GPR183: variants seen among roughly 807,000 people sequenced by gnomAD.
GPR183 encodes the protein G protein-coupled receptor 183, also known as EBV-induced G-protein coupled receptor 2.
In GPR183, 9 loss-of-function variants were observed where a neutral mutation model predicts 19.7. That is an observed-to-expected ratio of 0.46 (90% confidence interval 0.28 to 0.80). The LOEUF is 0.80. Ranked by LOEUF, GPR183 falls within the 30% of genes least tolerant of loss-of-function variation. The pLI is 0.13. For missense variants in GPR183, 368 were observed against 446.7 expected (o/e 0.82, Z 1.59); for synonymous variants, 160 against 155.1 (o/e 1.03, Z -0.24).
intron 1 of GPR183, among the ~76,000 whole-genome samples, chr13:99,306,122 C>G (rs2044330377): frequency 6.6e-6 from 1 of 152,126 alleles, no homozygotes; most frequent in Non-Finnish European, 1.5e-5. Flanking sequence ...TCTCGAACTC[C>G]TGATCTCAGG....
In GPR183 at chr13:99,295,182, T is replaced by C. The variant is rs200669857; in HGVS notation, c.964A>G (p.Met322Val). ...CKGYKRKVMRMLKRQVSVSIS... is the reference protein window; with the variant it reads ...CKGYKRKVMRVLKRQVSVSIS... ...GATACACTGACTTGCCGTTTCAGCA[T>C]CCTCATAACCTTTCTCTTATACCCT... Residue 322 changes from methionine to valine, a missense_variant, in exon 2 of 2, where the codon ATG (methionine) becomes GTG (valine). Met to Val is a conservative substitution (Grantham distance 21). Transcript: ENST00000376414. This position sits in a 1 kb window ranked among gnomAD's most constrained non-coding sequence, Gnocchi z 4.1. 6.2e-6 allele frequency: 10 copies of C among 1,614,186 alleles called. No individual in the cohort carries two copies. The highest frequency in any genetic ancestry group is 8.5e-6 in the Non-Finnish European group (10 of 1,180,012).
chr13:99,296,270 G>T, intron 1 of GPR183, 107 bp from the exon 2 acceptor site: 1 of 815,106 alleles, frequency 1.2e-6, no homozygotes. Context: ...AATCCAAACT[G>T]TCTTTTATAT....
intron 1 of GPR183, among the ~76,000 whole-genome samples, chr13:99,299,322 A>G (rs1267748630): frequency 2.0e-5 from 3 of 152,242 alleles, no homozygotes; most frequent in Non-Finnish European, 4.4e-5. Flanking sequence ...GAATACAGCC[A>G]TGCAGTGAAT....
Position 99,296,031 on chromosome 13 carries a change from T to A in GPR183, c.115A>T (p.Ser39Cys). 1 of 1,614,162 alleles carries A rather than the reference T, an allele frequency of 6.2e-7. No homozygotes were observed. Among genetic ancestry groups the A allele is most frequent in the Non-Finnish European group, 8.5e-7 (1 of 1,180,022 alleles). The change falls in exon 2 of 2, where the codon AGC (serine) becomes TGC (cysteine). Residue 39 changes from serine (S) to cysteine (C), a missense_variant. Physicochemically the swap from Ser to Cys is moderately radical, Grantham distance 112. Coordinates refer to ENST00000376414, the MANE Select transcript of GPR183 (RefSeq NM_004951.5). The part of the protein sequence containing the change: ...TARIVMPLHY[S>C]LVFIIGLVGN... ...ACGAGCCCAATGATGAAGACGAGGC[T>A]GTAATGCAGAGGCATTACTATCCTG...
chr13:99,297,727 C>T (rs1034931052), intron 1 of GPR183, among the ~76,000 whole-genome samples: 1 of 151,304 alleles, frequency 6.6e-6, no homozygotes, highest in African/African-American at 2.4e-5. Context: ...AAGTAGAAAA[C>T]ACAAGAGGGT....
Position 99,295,457 on chromosome 13 carries a change from T to C in GPR183, c.689A>G (p.Asn230Ser). The change falls in exon 2 of 2, where the codon AAC becomes AGC. Residue 230 changes from asparagine (N) to serine (S), a missense_variant. Transcript: ENST00000376414. This position sits in a 1 kb window ranked among gnomAD's most constrained non-coding sequence, Gnocchi z 4.1. ...TACACCAGATTTCTCAGTGAGTGGG[T>C]TTTGTTTGGCAGTTCTGAAGAGTTT... Reference protein sequence around the residue: ...CCKLFRTAKQNPLTEKSGVNK... With the variant: ...CCKLFRTAKQSPLTEKSGVNK... The C allele has an allele frequency of 6.2e-7, 1 of 1,613,958 alleles. No individual in the cohort carries two copies. Among genetic ancestry groups the C allele is most frequent in the East Asian group, 2.2e-5 (1 of 44,888 alleles).
At chr13:99,303,381 C>T (rs1309331624) in intron 1 of GPR183, among the ~76,000 whole-genome samples, 1 of 152,230 alleles carries the variant, frequency 6.6e-6, no homozygotes, top group Non-Finnish European at 1.5e-5. Context: ...TGGTTGAACA[C>T]CCACTTGCAC....
intron 1 of GPR183, among the ~76,000 whole-genome samples, chr13:99,301,479 A>G (rs180924234): frequency 4.3e-4 from 66 of 152,346 alleles, no homozygotes; most frequent in African/African-American, 1.6e-3. Flanking sequence ...AATATCTTCC[A>G]AAGTATTTTT....
rs778598512 is a variant in GPR183, at chr13:99,295,320, T to C, written c.826A>G (p.Asn276Asp). ...QHMIKKLRFS[N>D]FLECSQRHSF... is the part of the protein sequence containing the mutation. ...TGTCTTTGGCTACATTCCAGGAAAT[T>C]AGAGAAACGAAGCTTCTTAATCATA... is the stretch of plus-strand genomic sequence containing the variant. The change falls in exon 2 of 2, where the codon AAT (asparagine) becomes GAT (aspartate). Residue 276 changes from asparagine (N) to aspartate (D), a missense_variant. By Grantham distance (23) the Asn-to-Asp change is conservative. Coordinates refer to ENST00000376414, the MANE Select transcript of GPR183 (RefSeq NM_004951.5). This position sits in a 1 kb window ranked among gnomAD's most constrained non-coding sequence, Gnocchi z 4.1. The C allele has an allele frequency of 6.2e-7, 1 of 1,614,088 alleles. No homozygotes were observed. The highest frequency in any genetic ancestry group is 8.5e-7 in the Non-Finnish European group (1 of 1,179,996).
intron 1 of GPR183, among the ~76,000 whole-genome samples, chr13:99,304,084 A>G (rs928030378): frequency 1.6e-4 from 24 of 152,312 alleles, no homozygotes; most frequent in African/African-American, 5.8e-4. Flanking sequence ...GCAAACCACA[A>G]GCTCTGTGTC....
chr13:99,301,272 G>T (rs530429351), intron 1 of GPR183, among the ~76,000 whole-genome samples: 2 of 152,332 alleles, frequency 1.3e-5, no homozygotes, highest in Admixed American at 6.5e-5. Flanking sequence ...TCCACCTGTG[G>T]AACAGGGCCC....
Position 99,303,547 on chromosome 13 carries a change from A to T in GPR183, c.-19+3793T>A, listed in dbSNP as rs117450104. Among the ~76,000 whole-genome samples, 137 of 152,336 alleles carry T rather than the reference A, an allele frequency of 9.0e-4. No homozygotes were observed. In the Middle Eastern group the frequency reaches 0.014, roughly 15 times the overall value. On this transcript the variant is annotated intron_variant, in intron 1 of 1. Coordinates refer to ENST00000376414, the MANE Select transcript of GPR183 (RefSeq NM_004951.5). ...GAACTAAGAAACTAAGAATCCCACCATAATACTCATTTTAGTGTAAGAAAG... is the reference window on the plus strand; with the variant it reads ...GAACTAAGAAACTAAGAATCCCACCTTAATACTCATTTTAGTGTAAGAAAG...
chr13:99,294,951 A>T lies in GPR183; in HGVS notation c.*109T>A, dbSNP rs1370305828. 7.8e-7 allele frequency: 1 copy of T among 1,276,996 alleles called. No individual in the cohort carries two copies. The highest frequency in any genetic ancestry group is 1.5e-5 in the African/African-American group (1 of 66,746). 79.1% of individuals were successfully genotyped at this position (1,276,996 alleles called of 1,614,324 possible). On this transcript the variant is annotated 3_prime_UTR_variant, in exon 2 of 2. Coordinates refer to ENST00000376414, the MANE Select transcript of GPR183 (RefSeq NM_004951.5). ...GATGGGAAAGTGCCCAATGAAAGAA[A>T]TATAAAAGAATACTAATTGGAAGCT...
intron 1 of GPR183, among the ~76,000 whole-genome samples, chr13:99,306,229 A>T (rs1278259078): frequency 6.6e-6 from 1 of 152,124 alleles, no homozygotes; most frequent in Non-Finnish European, 1.5e-5. Context: ...TATCCATAAC[A>T]TATCTGTTGG....
rs1038965122 is a variant in GPR183 at position 99,295,408 on chromosome 13, A to G, written c.738T>C (p.Ile246=). The change falls in exon 2 of 2, where the codon ATT becomes ATC. Residue 246 remains isoleucine (I), a synonymous_variant. Coordinates refer to ENST00000376414, the MANE Select transcript of GPR183 (RefSeq NM_004951.5). The surrounding 1 kb of genome is among the most constrained non-coding windows in gnomAD (Gnocchi z 4.1). ...SGVNKKALNT[I]ILIIVVFVLC... Reference sequence around the variant, plus strand: ...GAACAAACACAACAATAATAAGAATAATTGTGTTGAGAGCCTTTTTGTTTA... The same window carrying G: ...GAACAAACACAACAATAATAAGAATGATTGTGTTGAGAGCCTTTTTGTTTA... 2 of 1,613,954 alleles carry G rather than the reference A, an allele frequency of 1.2e-6. No homozygotes were observed. Among genetic ancestry groups the G allele is most frequent in the Non-Finnish European group, 1.7e-6 (2 of 1,179,986 alleles).
chr13:99,300,463 A>G (rs964259658), intron 1 of GPR183, among the ~76,000 whole-genome samples: 1 of 152,182 alleles, frequency 6.6e-6, no homozygotes, highest in Non-Finnish European at 1.5e-5. Context: ...TATGATCCCA[A>G]ATTGAGAGGA....
intron 1 of GPR183, among the ~76,000 whole-genome samples, chr13:99,299,475 CAGAA>C (rs995004444): frequency 2.6e-5 from 4 of 152,050 alleles, no homozygotes; most frequent in South Asian, 2.1e-4. Flanking sequence ...CACACACACA[CAGAA>C]AGATGTCTGT....
rs949351941 is a variant in GPR183, at chr13:99,295,773, G to T, written c.373C>A (p.Leu125Met). 1 of 1,613,990 alleles carries T rather than the reference G, an allele frequency of 6.2e-7. No homozygotes were observed. Among genetic ancestry groups the T allele is most frequent in the Non-Finnish European group, 8.5e-7 (1 of 1,179,928 alleles). The stretch of plus-strand genomic sequence containing the variant: ...ACAGCAATGAAGCGGTCAATACTCA[G>T]GCAGGTCATAAAGTTCACACCTGCA... ...TYAGVNFMTC[L>M]SIDRFIAVVH... The change falls in exon 2 of 2, where the codon CTG (leucine) becomes ATG (methionine). Residue 125 changes from leucine (L) to methionine (M), a missense_variant. By Grantham distance (15) the Leu-to-Met change is conservative. Coordinates refer to ENST00000376414, the MANE Select transcript of GPR183 (RefSeq NM_004951.5). This position sits in a 1 kb window ranked among gnomAD's most constrained non-coding sequence, Gnocchi z 4.1.
chr13:99,304,058 G>C (rs982260462), intron 1 of GPR183, among the ~76,000 whole-genome samples: 1 of 152,100 alleles, frequency 6.6e-6, no homozygotes, highest in Non-Finnish European at 1.5e-5. Context: ...CTCAAACGGG[G>C]CCCATCCAAC....
Sources: gnomAD v4.1 joint callset for allele counts (sites outside exome capture counted in the v4.1 genomes callset) on GRCh38, gnomAD v4.1.1 for gene constraint, Gnocchi (gnomAD v3.1) non-coding constraint, MANE v1.5 for transcripts, NCBI Gene and HGNC (gene_info 2026-07-23, HGNC 2026-07-21) for gene names.